FYB1: variants seen among roughly 807,000 people sequenced by gnomAD.
The protein encoded by FYB1 is FYN-binding protein 1.
Under a neutral mutation model 94.1 loss-of-function variants are expected in FYB1, and 41 were observed. The observed-to-expected ratio is 0.44, with a 90% confidence interval of 0.34 to 0.57. The LOEUF (loss-of-function observed/expected upper bound fraction) is 0.57, where lower values mean the gene tolerates loss of function less well. Ranked by LOEUF, FYB1 falls within the 20% of genes least tolerant of loss-of-function variation. FYB1 has a pLI of 0.02. For synonymous variants in FYB1, 367 were observed against 353.2 expected, an observed-to-expected ratio of 1.04 and a Z score of -0.44; for missense variants, 1,050 against 976.8, an observed-to-expected ratio of 1.07 and a Z score of -1.00.
intron 14 of FYB1, 92 bp from the exon 15 acceptor site, chr5:39,119,726 T>TA: frequency 7.9e-7 from 1 of 1,273,630 alleles, no homozygotes; most frequent in Non-Finnish European, 1.0e-6. Context: ...ATTATATTTT[T>TA]AACTTTTTGT....
intron 15 of FYB1, 76 bp downstream of exon 15, chr5:39,119,458 GT>G (rs902265050): frequency 6.6e-6 from 7 of 1,055,620 alleles, no homozygotes; most frequent in East Asian, 5.9e-5. Flanking sequence ...TTTCAATAGT[GT>G]TTTTTTTGTT....
chr5:39,124,170 G>T, intron 13 of FYB1, 83 bp downstream of exon 13: 2 of 913,448 alleles, frequency 2.2e-6, no homozygotes, highest in Non-Finnish European at 3.3e-6. Context: ...AGACTTTAAT[G>T]CAGATACTAT....
At chr5:39,238,199 G>A (rs1207290398) in intron 1 of FYB1, among the ~76,000 whole-genome samples, 6 of 151,802 alleles carry the variant, frequency 4.0e-5, no homozygotes, top group Admixed American at 3.9e-4. Context: ...TTATTGAGAA[G>A]TTCTGCATGT....
At chr5:39,142,801 T>A (rs1003097331) in intron 3 of FYB1, among the ~76,000 whole-genome samples, 1 of 152,216 alleles carries the variant, frequency 6.6e-6, no homozygotes, top group Non-Finnish European at 1.5e-5. Context: ...AAATACTAGC[T>A]ACCAAATCCA....
chr5:39,266,241 A>C (rs1350858108), intron 1 of FYB1, among the ~76,000 whole-genome samples: 1 of 152,148 alleles, frequency 6.6e-6, no homozygotes, highest in African/African-American at 2.4e-5. Flanking sequence ...CACTTCTAAA[A>C]TCTAGAATCA....
intron 9 of FYB1, 138 bp downstream of exon 9, chr5:39,134,070 G>C (rs1468730166): frequency 8.8e-6 from 5 of 570,648 alleles, no homozygotes; most frequent in Non-Finnish European, 1.5e-5. Flanking sequence ...ACCCATGTTG[G>C]GGTTATTGTA....
At chr5:39,130,279 A>G (rs1317295506) in intron 10 of FYB1, among the ~76,000 whole-genome samples, 1 of 152,070 alleles carries the variant, frequency 6.6e-6, no homozygotes, top group Non-Finnish European at 1.5e-5. Flanking sequence ...TTGGGGGGAC[A>G]TGAAGAGAGA....
At chr5:39,194,449 G>C (rs77145386) in intron 2 of FYB1, among the ~76,000 whole-genome samples, 3,622 of 152,198 alleles carry the variant, frequency 0.024, 67 homozygotes, top group Non-Finnish European at 0.036. Context: ...TTTGTGCCCA[G>C]GAGTTCAAGG....
rs545088790 is a variant in FYB1 at position 39,271,659 on chromosome 5, A to G, written c.-28+2744T>C. 1.3e-4 allele frequency among the ~76,000 whole-genome samples: 20 copies of G among 152,328 alleles called. 1 individual carries two copies. The highest frequency in any genetic ancestry group is 4.6e-4 in the African/African-American group (19 of 41,568). On this transcript the variant is annotated intron_variant, in intron 1 of 1. Coordinates refer to the FYB1 transcript ENST00000510188. ...CTGTTATTTATTCCTTAAAATAAAA[A>G]TGTTTTCAAAATTAAGACATAATTA...
Position 39,154,084 on chromosome 5 carries a change from C to T in FYB1, c.1136-480G>A, listed in dbSNP as rs570038259. 1.4e-4 allele frequency among the ~76,000 whole-genome samples: 21 copies of T among 152,252 alleles called. No individual in the cohort carries two copies. The East Asian group carries it at 3.9e-3, about 28-fold the overall frequency. On this transcript the variant is annotated intron_variant, in intron 2 of 18. Coordinates refer to ENST00000512982, the MANE Select transcript of FYB1 (RefSeq NM_001465.6). Reference sequence around the variant, plus strand: ...TACAGGTGTGAGCCACTATGCCCGGCCTTATTCATCCTTTACATCAATAAG... The same window carrying T: ...TACAGGTGTGAGCCACTATGCCCGGTCTTATTCATCCTTTACATCAATAAG...
chr5:39,268,983 A>G (rs1390088532), intron 1 of FYB1, among the ~76,000 whole-genome samples: 6 of 152,186 alleles, frequency 3.9e-5, no homozygotes, highest in African/African-American at 1.4e-4. Context: ...TGTTTTGCCT[A>G]AGAAAATCCA....
At chr5:39,177,609 C>A (rs1745856666) in intron 2 of FYB1, among the ~76,000 whole-genome samples, 2 of 152,158 alleles carry the variant, frequency 1.3e-5, no homozygotes, top group Non-Finnish European at 2.9e-5. Context: ...ATTTAGAATG[C>A]AAAACTATTT....
At chr5:39,119,884 A>G (rs1739926161) in intron 14 of FYB1, among the ~76,000 whole-genome samples, 1 of 152,168 alleles carries the variant, frequency 6.6e-6, no homozygotes, top group African/African-American at 2.4e-5. Flanking sequence ...ATACTGAACC[A>G]TATAAAATCA....
intron 16 of FYB1, among the ~76,000 whole-genome samples, chr5:39,118,585 G>A (rs913774213): frequency 2.6e-5 from 4 of 152,152 alleles, no homozygotes; most frequent in Non-Finnish European, 5.9e-5. Context: ...ACACGCAAGG[G>A]CTTTCTGATG....
At chr5:39,246,937 A>T (rs549816816) in intron 1 of FYB1, among the ~76,000 whole-genome samples, 3 of 151,884 alleles carry the variant, frequency 2.0e-5, no homozygotes, top group Non-Finnish European at 4.4e-5. Context: ...TGAGACCTCA[A>T]GCAAGTTACT....
Position 39,233,440 on chromosome 5 carries a change from G to A in FYB1, c.-27-30453C>T, listed in dbSNP as rs74658664. Reference sequence around the variant, plus strand: ...GTACTCACCATCTTCTAGAGCAGTGGTTCTCAACTCTTTGGTTTCAAGACC... The same window carrying A: ...GTACTCACCATCTTCTAGAGCAGTGATTCTCAACTCTTTGGTTTCAAGACC... On this transcript the variant is annotated intron_variant, in intron 1 of 1. Coordinates refer to the FYB1 transcript ENST00000510188. Among the ~76,000 whole-genome samples, 228 of 152,236 alleles carry A rather than the reference G, an allele frequency of 1.5e-3. 5 individuals are homozygous for A. In the East Asian group the frequency reaches 0.037, roughly 25 times the overall value.
chr5:39,229,727 A>G (rs1201384113), intron 1 of FYB1, among the ~76,000 whole-genome samples: 1 of 152,182 alleles, frequency 6.6e-6, no homozygotes. Flanking sequence ...TTTATAGATA[A>G]GGGCAATCAG....
chr5:39,141,081 T>C lies in FYB1; in HGVS notation c.1339+14A>G. ...TTTACAAATAAATAAATAAAATATG[T>C]TTTTGTCGTTTACCATCAGAGTGCG... is the stretch of plus-strand genomic sequence containing the variant. On this transcript the variant is annotated intron_variant, in intron 4 of 18. Coordinates refer to ENST00000512982, the MANE Select transcript of FYB1 (RefSeq NM_001465.6). The C allele has an allele frequency of 6.5e-7, 1 of 1,548,402 alleles. No homozygotes were observed.
intron 2 of FYB1, among the ~76,000 whole-genome samples, chr5:39,159,205 G>C (rs761749463): frequency 4.6e-5 from 7 of 152,126 alleles, no homozygotes; most frequent in Non-Finnish European, 8.8e-5. Flanking sequence ...TCATCTATTT[G>C]TTTGAGAATT....
Sources: gnomAD v4.1 joint callset for allele counts (sites outside exome capture counted in the v4.1 genomes callset) on GRCh38, gnomAD v4.1.1 for gene constraint, MANE v1.5 for transcripts, NCBI Gene and HGNC (gene_info 2026-07-23, HGNC 2026-07-21) for gene names.